The following ADAMTS12 variants were observed in gnomAD, a reference collection of about 807,000 sequenced individuals.
ADAMTS12 encodes the protein A disintegrin and metalloproteinase with thrombospondin motifs 12.
In ADAMTS12, 118 loss-of-function variants were observed where a neutral mutation model predicts 167.8. The ratio of observed to expected loss-of-function variants is 0.70; its 90% CI spans 0.61 to 0.82. The LOEUF (loss-of-function observed/expected upper bound fraction) is 0.82. Ranked by LOEUF, ADAMTS12 falls within the 40% of genes least tolerant of loss-of-function variation. The pLI, the probability that ADAMTS12 is intolerant of heterozygous loss-of-function variation, is 0.00. For missense variants in ADAMTS12, 1,916 were observed against 1,998.8 expected (o/e 0.96, Z 0.79); for synonymous variants, 704 against 716.9 (o/e 0.98, Z 0.29).
At chr5:33,862,246 T>G (rs1749646284) in intron 2 of ADAMTS12, among the ~76,000 whole-genome samples, 2 of 152,164 alleles carry the variant, frequency 1.3e-5, no homozygotes, top group South Asian at 4.1e-4. Flanking sequence ...AGGAGCTGAT[T>G]TTTTGAAAAG....
chr5:33,584,734 C>T (rs979949808), intron 18 of ADAMTS12, among the ~76,000 whole-genome samples: 1 of 152,182 alleles, frequency 6.6e-6, no homozygotes, highest in South Asian at 2.1e-4. Flanking sequence ...TGGCTCAAGG[C>T]CACACAATTA....
chr5:33,838,617 A>G (rs2548022), intron 2 of ADAMTS12, among the ~76,000 whole-genome samples: 18,803 of 152,116 alleles, frequency 0.12, 2,256 homozygotes, highest in East Asian at 0.37. Context: ...GAAAGGCAGA[A>G]GTTGCAGTGA....
rs191941994 is a variant in ADAMTS12, at chr5:33,730,861, G to A, written c.634+20543C>T. ...AGAATAACCCAATTATTGTCCTGAA[G>A]TTCTTCAGCAATGAAGAAATCTGTA... On this transcript the variant is annotated intron_variant, in intron 3 of 23. Coordinates refer to ENST00000504830, the MANE Select transcript of ADAMTS12 (RefSeq NM_030955.4). Among the ~76,000 whole-genome samples the A allele has an allele frequency of 1.1e-4, 16 of 152,310 alleles. No homozygotes were observed. The East Asian group carries it at 1.9e-3, about 18-fold the overall frequency.
intron 19 of ADAMTS12, among the ~76,000 whole-genome samples, chr5:33,563,084 G>A (rs1055772469): frequency 9.2e-5 from 14 of 152,194 alleles, no homozygotes; most frequent in Non-Finnish European, 1.9e-4. Flanking sequence ...TTCCAAGTGA[G>A]TCATTTATAG....
chr5:33,713,384 TTAACTTCCTCCTTCATTC>T (rs1554037161), intron 3 of ADAMTS12, among the ~76,000 whole-genome samples: 2 of 3,412 alleles, frequency 5.9e-4, no homozygotes, highest in Non-Finnish European at 2.2e-3. Context: ...CTCATTAGTT[TTAACTTCCTCCTTCATTC>T]TCAGAAGTTT....
chr5:33,889,722 G>A (rs1474766714), intron 1 of ADAMTS12, among the ~76,000 whole-genome samples: 1 of 152,214 alleles, frequency 6.6e-6, no homozygotes, highest in Non-Finnish European at 1.5e-5. Flanking sequence ...AGAGGCCAAG[G>A]TGGGCAGATC....
At chr5:33,534,503 T>A (rs976969388) in intron 23 of ADAMTS12, among the ~76,000 whole-genome samples, 3 of 152,158 alleles carry the variant, frequency 2.0e-5, no homozygotes, top group Admixed American at 2.0e-4. Flanking sequence ...GGCTGGGATA[T>A]CTCTCAAGAC....
At chr5:33,784,329 C>T (rs1014093025) in intron 2 of ADAMTS12, among the ~76,000 whole-genome samples, 1 of 151,816 alleles carries the variant, frequency 6.6e-6, no homozygotes, top group Non-Finnish European at 1.5e-5. Flanking sequence ...TACTTTCATT[C>T]AACATTGTAC....
intron 3 of ADAMTS12, among the ~76,000 whole-genome samples, chr5:33,702,155 A>G: frequency 6.6e-6 from 1 of 152,232 alleles, no homozygotes; most frequent in Non-Finnish European, 1.5e-5. Flanking sequence ...GCTCAATTTA[A>G]TACATAACTA....
At chr5:33,823,897 A>G (rs528424944) in intron 2 of ADAMTS12, among the ~76,000 whole-genome samples, 1 of 152,184 alleles carries the variant, frequency 6.6e-6, no homozygotes, top group Non-Finnish European at 1.5e-5. Context: ...AAGAGTGTGA[A>G]GAAAAATAAT....
At chr5:33,668,471 T>G (rs1741552796) in intron 5 of ADAMTS12, among the ~76,000 whole-genome samples, 1 of 152,204 alleles carries the variant, frequency 6.6e-6, no homozygotes, top group African/African-American at 2.4e-5. Flanking sequence ...ACTGATCTAC[T>G]GATTTACATT....
intron 2 of ADAMTS12, among the ~76,000 whole-genome samples, chr5:33,763,654 T>C (rs538750705): frequency 5.3e-4 from 81 of 152,352 alleles, no homozygotes; most frequent in African/African-American, 1.9e-3. Context: ...CATTAGGGCA[T>C]TGGCCGTGAC....
At chr5:33,829,316 T>C in intron 2 of ADAMTS12, among the ~76,000 whole-genome samples, 1 of 152,146 alleles carries the variant, frequency 6.6e-6, no homozygotes. Flanking sequence ...CTAGCAAAGC[T>C]TCATCCAGAT....
intron 3 of ADAMTS12, among the ~76,000 whole-genome samples, chr5:33,747,380 C>A (rs1436782507): frequency 2.7e-5 from 4 of 148,780 alleles, no homozygotes; most frequent in Admixed American, 2.6e-4. Context: ...ACTTCATATT[C>A]ACCAGACTAA....
intron 9 of ADAMTS12, among the ~76,000 whole-genome samples, chr5:33,647,906 T>C (rs1740735067): frequency 6.6e-6 from 1 of 152,268 alleles, no homozygotes; most frequent in Non-Finnish European, 1.5e-5. Flanking sequence ...TGTTTCATTT[T>C]GAATTTATCT....
At position 33,637,534 on chromosome 5, in the gene ADAMTS12, T is replaced by C. The variant is rs745800019; in HGVS notation, c.1888+43A>G. On this transcript the variant is annotated intron_variant, in intron 12 of 23. Coordinates refer to ENST00000504830, the MANE Select transcript of ADAMTS12 (RefSeq NM_030955.4). Reference sequence around the variant, plus strand: ...GACTGACATACAAATGCTTTGAGAATGGCTGTTCCCTAGATCTGAGATACA... The same window carrying C: ...GACTGACATACAAATGCTTTGAGAACGGCTGTTCCCTAGATCTGAGATACA... 35 of 1,570,924 alleles carry C rather than the reference T, an allele frequency of 2.2e-5. No homozygotes were observed. The Admixed American group carries it at 3.9e-4, about 18-fold the overall frequency.
chr5:33,809,725 G>C (rs1474438726), intron 2 of ADAMTS12, among the ~76,000 whole-genome samples: 1 of 152,106 alleles, frequency 6.6e-6, no homozygotes, highest in African/African-American at 2.4e-5. Flanking sequence ...AGGGCAAAAA[G>C]AAAAGGCTGC....
At chr5:33,779,409 C>T (rs1179904915) in intron 2 of ADAMTS12, among the ~76,000 whole-genome samples, 1 of 152,114 alleles carries the variant, frequency 6.6e-6, no homozygotes, top group East Asian at 1.9e-4. Flanking sequence ...TGGTCTTGAA[C>T]TCCTGACCTC....
Position 33,576,167 on chromosome 5 carries a change from C to T in ADAMTS12, c.3859G>A (p.Glu1287Lys), listed in dbSNP as rs1165981065. 2 of 1,614,210 alleles carry T rather than the reference C, an allele frequency of 1.2e-6. No individual in the cohort carries two copies. Among genetic ancestry groups the T allele is most frequent in the Non-Finnish European group, 1.7e-6 (2 of 1,180,036 alleles). The change falls in exon 19 of 24, where the codon GAG becomes AAG. Residue 1287 changes from glutamate to lysine, a missense_variant. Transcript: ENST00000504830. ...GTAATCAGACTTGTTGCATCCTCCT[C>T]AGTCAGGACTGGTTCAGAACTTTTT... ...QTKSSEPVLT[E>K]EDATSLITEG...
Sources: allele counts gnomAD v4.1 joint callset (sites outside exome capture counted in the v4.1 genomes callset), GRCh38; gene constraint gnomAD v4.1.1; transcripts MANE v1.5; gene names NCBI Gene and HGNC (gene_info 2026-07-23, HGNC 2026-07-21).